DCDC2C: variants seen among roughly 807,000 people sequenced by gnomAD.
DCDC2C encodes doublecortin domain-containing protein 2C.
A neutral mutation model predicts 45.0 loss-of-function variants in DCDC2C; 44 were observed. The observed-to-expected ratio is 0.98, with a 90% confidence interval of 0.77 to 1.26. DCDC2C has a LOEUF of 1.26. Among genes scored for constraint, DCDC2C ranks in the 50% most tolerant of loss-of-function variants. The probability of loss-of-function intolerance (pLI) is 0.00; values close to 1 mark genes in which losing one functional copy is unlikely to be tolerated. For synonymous variants in DCDC2C, 187 were observed against 178.8 expected (o/e 1.05, Z -0.37); for missense variants, 447 against 468.9 (o/e 0.95, Z 0.43).
At chr2:3,715,160 G>A (rs1233437313) in intron 2 of DCDC2C, among the ~76,000 whole-genome samples, 1 of 152,010 alleles carries the variant, frequency 6.6e-6, no homozygotes, top group East Asian at 1.9e-4. Flanking sequence ...ATTTAATGAT[G>A]TATCATGAAA....
rs191413334 is a variant in DCDC2C, at chr2:3,827,097, C to T, written c.1066-20057C>T. On this transcript the variant is annotated intron_variant, in intron 10 of 10. Coordinates refer to ENST00000399143, the MANE Select transcript of DCDC2C (RefSeq NM_001287444.2). The stretch of plus-strand genomic sequence containing the variant: ...GGAGCTCTGCTAGCTCACGGGGAGG[C>T]AGACAAGCCACACCCCAGCCCATCA... Among the ~76,000 whole-genome samples the T allele has an allele frequency of 1.6e-4, 25 of 152,202 alleles. 1 individual carries two copies. The highest frequency in any genetic ancestry group is 1.3e-4 in the Admixed American group (2 of 15,290).
intron 2 of DCDC2C, among the ~76,000 whole-genome samples, chr2:3,712,935 T>C (rs1423399172): frequency 2.0e-5 from 3 of 152,196 alleles, no homozygotes; most frequent in Non-Finnish European, 2.9e-5. Context: ...TTCACACCTA[T>C]AGTCTCATCT....
intron 6 of DCDC2C, among the ~76,000 whole-genome samples, chr2:3,765,200 T>A (rs1669980053): frequency 6.6e-6 from 1 of 152,246 alleles, no homozygotes; most frequent in African/African-American, 2.4e-5. Flanking sequence ...TCAACTCTTC[T>A]TTCCCTACTG....
At chr2:3,814,095 C>T (rs1671493172) in intron 10 of DCDC2C, among the ~76,000 whole-genome samples, 1 of 152,034 alleles carries the variant, frequency 6.6e-6, no homozygotes, top group Non-Finnish European at 1.5e-5. Flanking sequence ...GGATATTCTC[C>T]TGGATAACAT....
intron 4 of DCDC2C, among the ~76,000 whole-genome samples, chr2:3,748,375 A>C (rs1572582587): frequency 4.6e-5 from 1 of 21,658 alleles, no homozygotes; most frequent in Non-Finnish European, 8.9e-5. Context: ...GGGGGTGGGG[A>C]GTGTGTGGTG....
chr2:3,822,002 C>T (rs1671698446), intron 10 of DCDC2C, among the ~76,000 whole-genome samples: 1 of 152,220 alleles, frequency 6.6e-6, no homozygotes, highest in African/African-American at 2.4e-5. Context: ...TTATTCCCTA[C>T]CCCTAGTCTA....
intron 2 of DCDC2C, among the ~76,000 whole-genome samples, chr2:3,717,884 T>G (rs1187179047): frequency 1.3e-5 from 2 of 152,218 alleles, no homozygotes; most frequent in Admixed American, 1.3e-4. Context: ...TTAACTCAAC[T>G]GACTGTTTTC....
chr2:3,842,146 G>T (rs1448381277), intron 10 of DCDC2C, among the ~76,000 whole-genome samples: 7 of 152,096 alleles, frequency 4.6e-5, no homozygotes, highest in African/African-American at 7.2e-5. Flanking sequence ...AGTGCTGTCC[G>T]GAATGTGGAG....
intron 10 of DCDC2C, among the ~76,000 whole-genome samples, chr2:3,813,874 C>T (rs1278501661): frequency 6.6e-6 from 1 of 151,834 alleles, no homozygotes; most frequent in African/African-American, 2.4e-5. Flanking sequence ...TCCAATTTGC[C>T]AGTCTGTGTC....
At chr2:3,810,827 T>C (rs1001927746) in intron 10 of DCDC2C, among the ~76,000 whole-genome samples, 12 of 152,240 alleles carry the variant, frequency 7.9e-5, no homozygotes, top group African/African-American at 2.9e-4. Flanking sequence ...CACCATTTGC[T>C]GAACAGGAGA....
chr2:3,829,984 CTG>C (rs1671913992), intron 10 of DCDC2C, among the ~76,000 whole-genome samples: 1 of 152,216 alleles, frequency 6.6e-6, no homozygotes, highest in South Asian at 2.1e-4. Flanking sequence ...TGGCTGCCCT[CTG>C]TGAAGAAGCC....
intron 10 of DCDC2C, among the ~76,000 whole-genome samples, chr2:3,816,967 A>T (rs1671573062): frequency 6.6e-6 from 1 of 152,204 alleles, no homozygotes; most frequent in Non-Finnish European, 1.5e-5. Context: ...TACATGGAAG[A>T]GGTTACGAAA....
chr2:3,725,467 C>A (rs28685293), intron 2 of DCDC2C, among the ~76,000 whole-genome samples: 1,866 of 16,986 alleles, frequency 0.11, 22 homozygotes, highest in Non-Finnish European at 0.21. Flanking sequence ...GGAGGCTGCC[C>A]GGTGGATCCC....
chr2:3,711,308 T>C (rs1458197421), intron 2 of DCDC2C, among the ~76,000 whole-genome samples: 1 of 152,090 alleles, frequency 6.6e-6, no homozygotes, highest in African/African-American at 2.4e-5. Flanking sequence ...CCCAAGGGAA[T>C]ATAAATCATC....
intron 10 of DCDC2C, among the ~76,000 whole-genome samples, chr2:3,797,035 C>T (rs554143572): frequency 0.021 from 3,155 of 152,224 alleles, 99 homozygotes; most frequent in African/African-American, 0.072. Flanking sequence ...TGATTATTGC[C>T]ACAATTTCAG....
At chr2:3,738,540 GAAAAAAAAAA>G (rs60799536) in intron 3 of DCDC2C, among the ~76,000 whole-genome samples, 2 of 71,978 alleles carry the variant, frequency 2.8e-5, no homozygotes, top group African/African-American at 1.1e-4. Context: ...GTCTATCTGG[GAAAAAAAAAA>G]AAAAAAAAAA....
At chr2:3,727,705 GAA>G (rs1668735420) in intron 3 of DCDC2C, among the ~76,000 whole-genome samples, 1 of 152,222 alleles carries the variant, frequency 6.6e-6, no homozygotes, top group Non-Finnish European at 1.5e-5. Context: ...TTGGGGTTGG[GAA>G]AAGACACACA....
intron 9 of DCDC2C, among the ~76,000 whole-genome samples, chr2:3,783,353 C>G (rs944051145): frequency 5.3e-5 from 8 of 152,172 alleles, no homozygotes; most frequent in Non-Finnish European, 1.0e-4. Flanking sequence ...CTCTGCCTTT[C>G]CAGCTCTCAC....
intron 3 of DCDC2C, among the ~76,000 whole-genome samples, chr2:3,727,961 C>T (rs1668743932): frequency 6.6e-6 from 1 of 152,192 alleles, no homozygotes; most frequent in African/African-American, 2.4e-5. Flanking sequence ...TTGGGATGTT[C>T]TAGCATTTTA....
Sources: gnomAD v4.1 joint callset for allele counts (sites outside exome capture counted in the v4.1 genomes callset) on GRCh38, gnomAD v4.1.1 for gene constraint, MANE v1.5 for transcripts, NCBI Gene and HGNC (gene_info 2026-07-23, HGNC 2026-07-21) for gene names.